Variants in GPR158 observed in about 807,000 individuals in gnomAD.
The protein encoded by GPR158 is metabotropic glycine receptor.
Under a neutral mutation model 78.2 loss-of-function variants are expected in GPR158, and 30 were observed. The observed-to-expected ratio is 0.38, with a 90% CI of 0.29 to 0.52. GPR158 has a LOEUF of 0.52. Among genes scored for constraint, GPR158 ranks in the 20% least tolerant of loss-of-function variants. GPR158 has a pLI of 0.83. For synonymous variants in GPR158, 581 were observed against 591.1 expected (o/e 0.98, Z 0.25); for missense variants, 1,463 against 1,523.5 (o/e 0.96, Z 0.66).
intron 5 of GPR158, among the ~76,000 whole-genome samples, chr10:25,490,490 T>C (rs1037343815): frequency 3.4e-5 from 4 of 118,948 alleles, no homozygotes; most frequent in African/African-American, 1.3e-4. Flanking sequence ...CCCCTTCCTG[T>C]GTCCATGTGA....
chr10:25,598,612 C>T lies in GPR158; in HGVS notation c.2986C>T (p.Gln996Ter). 6.2e-7 allele frequency: 1 copy of T among 1,614,090 alleles called. No individual in the cohort carries two copies. Among genetic ancestry groups the T allele is most frequent in the East Asian group, 2.2e-5 (1 of 44,866 alleles). Residue 996 changes from glutamine to a stop codon, truncating the protein, a stop_gained, in exon 11 of 11, where the codon CAG (glutamine) becomes TAG (stop). Transcript: ENST00000376351. LOFTEE classifies it low-confidence loss of function (END_TRUNC). Reference protein sequence around the residue: ...ANSDLNPGTTQMKDNFDIGEV... With the variant: ...ANSDLNPGTT ...TTCTGACCTGAACCCAGGCACCACC[C>T]AGATGAAGGACAACTTTGACATTGG...
At chr10:25,486,812 C>CTTTTTTT (rs138444360) in intron 5 of GPR158, among the ~76,000 whole-genome samples, 1 of 150,472 alleles carries the variant, frequency 6.6e-6, no homozygotes. Context: ...TATGATAGAC[C>CTTTTTTT]ATTTTTTTTT....
At chr10:25,437,874 G>A (rs778777465) in intron 4 of GPR158, among the ~76,000 whole-genome samples, 15 of 152,202 alleles carry the variant, frequency 9.9e-5, no homozygotes, top group Non-Finnish European at 1.8e-4. Context: ...CCCGAGGATT[G>A]AAGGACATTT....
At chr10:25,414,571 A>G (rs1046011310) in intron 4 of GPR158, among the ~76,000 whole-genome samples, 1 of 152,168 alleles carries the variant, frequency 6.6e-6, no homozygotes, top group Admixed American at 6.5e-5. Flanking sequence ...TTCTGCTGTG[A>G]TTTCAATTGC....
intron 9 of GPR158, among the ~76,000 whole-genome samples, chr10:25,595,779 G>T (rs1038961754): frequency 1.3e-5 from 2 of 152,166 alleles, no homozygotes; most frequent in Non-Finnish European, 2.9e-5. Context: ...TTTTTGAGAT[G>T]AATATTCCAA....
chr10:25,316,767 T>TA (rs1338770622), intron 2 of GPR158, among the ~76,000 whole-genome samples: 7 of 152,090 alleles, frequency 4.6e-5, no homozygotes, highest in African/African-American at 9.7e-5. Flanking sequence ...TCACATACCA[T>TA]GCTTGTGAGT....
Position 25,248,889 on chromosome 10 carries a change from T to G in GPR158, c.1008+27732T>G, listed in dbSNP as rs1341832990. Among the ~76,000 whole-genome samples the G allele has an allele frequency of 4.0e-5, 6 of 151,034 alleles. 1 individual carries two copies. The highest frequency in any genetic ancestry group is 1.2e-4 in the African/African-American group (5 of 40,446). On this transcript the variant is annotated intron_variant, in intron 2 of 10. Coordinates refer to ENST00000376351, the MANE Select transcript of GPR158 (RefSeq NM_020752.3). ...AGCATGATGGGGATGGCATTGAATC[T>G]GTAAATTACCTTGGGCAGTATGGCC...
chr10:25,562,214 G>T (rs965021944), intron 6 of GPR158, among the ~76,000 whole-genome samples: 1 of 151,768 alleles, frequency 6.6e-6, no homozygotes, highest in African/African-American at 2.4e-5. Flanking sequence ...CTAACTAAAG[G>T]TTTGTTAATT....
chr10:25,291,992 C>CA (rs984559720), intron 2 of GPR158, among the ~76,000 whole-genome samples: 21 of 152,110 alleles, frequency 1.4e-4, no homozygotes, highest in Non-Finnish European at 2.7e-4. Flanking sequence ...GGAGTTTACT[C>CA]AAAAAATGTA....
intron 2 of GPR158, among the ~76,000 whole-genome samples, chr10:25,302,353 G>T (rs1854611829): frequency 6.6e-6 from 1 of 151,806 alleles, no homozygotes; most frequent in African/African-American, 2.4e-5. Flanking sequence ...CAAAGCGCTG[G>T]GATTACAGGC....
intron 5 of GPR158, among the ~76,000 whole-genome samples, chr10:25,508,539 C>A (rs375500895): frequency 6.6e-6 from 1 of 152,152 alleles, no homozygotes; most frequent in Non-Finnish European, 1.5e-5. Flanking sequence ...ATTTTGTGCA[C>A]AGTCTCTGTA....
At chr10:25,294,610 G>A (rs1276179593) in intron 2 of GPR158, among the ~76,000 whole-genome samples, 2 of 130,854 alleles carry the variant, frequency 1.5e-5, no homozygotes, top group Non-Finnish European at 3.5e-5. Flanking sequence ...AGTATGGATA[G>A]CAAGAGGAAT....
Position 25,487,755 on chromosome 10 carries a change from C to T in GPR158, c.1404+21036C>T, listed in dbSNP as rs549199096. 4.6e-5 allele frequency among the ~76,000 whole-genome samples: 7 copies of T among 152,146 alleles called. No individual in the cohort carries two copies. The South Asian group carries it at 6.2e-4, about 14-fold the overall frequency. ...TTCAGTATATTGTTTGATTTTGCTT[C>T]CCCAGAAATTGAAAGTTTTGACAAG... is the stretch of plus-strand genomic sequence containing the variant. On this transcript the variant is annotated intron_variant, in intron 5 of 10. Transcript: ENST00000376351.
intron 2 of GPR158, among the ~76,000 whole-genome samples, chr10:25,297,518 T>G (rs2130771139): frequency 6.6e-6 from 1 of 152,186 alleles, no homozygotes; most frequent in African/African-American, 2.4e-5. Context: ...TAAACGTTTT[T>G]TTTACATTGT....
rs891735303 is a variant in GPR158, at chr10:25,203,597, T to G, written c.903-17455T>G. On this transcript the variant is annotated intron_variant, in intron 1 of 10. Coordinates refer to ENST00000376351, the MANE Select transcript of GPR158 (RefSeq NM_020752.3). The stretch of plus-strand genomic sequence containing the variant: ...GGTATTATTTCTGAGGGCTCTGTTC[T>G]GTTCCATTGGTGTATATCTGTGTTT... Among the ~76,000 whole-genome samples the G allele has an allele frequency of 7.4e-5, 9 of 120,808 alleles. 2 individuals are homozygous for G. The highest frequency in any genetic ancestry group is 1.0e-4 in the Non-Finnish European group (6 of 57,778). 79.3% of individuals were successfully genotyped at this position (120,808 alleles called of 152,430 possible). A position where few individuals can be genotyped will look rare whatever the true frequency, so the allele number is the denominator to read the frequency against.
At chr10:25,406,857 A>C (rs1834522607) in intron 3 of GPR158, among the ~76,000 whole-genome samples, 1 of 152,156 alleles carries the variant, frequency 6.6e-6, no homozygotes, top group Non-Finnish European at 1.5e-5. Flanking sequence ...ATCTATCATA[A>C]AGATCATTAA....
intron 2 of GPR158, among the ~76,000 whole-genome samples, chr10:25,356,863 T>C (rs969003767): frequency 4.6e-5 from 7 of 151,990 alleles, no homozygotes; most frequent in African/African-American, 1.7e-4. Flanking sequence ...GACTTTGGAA[T>C]TGGGTAACAG....
intron 2 of GPR158, among the ~76,000 whole-genome samples, chr10:25,341,333 T>C (rs1310739362): frequency 6.6e-6 from 1 of 151,998 alleles, no homozygotes; most frequent in African/African-American, 2.4e-5. Flanking sequence ...CTTTAAAATA[T>C]GCTAGAACAT....
chr10:25,464,475 A>G (rs985773626), intron 4 of GPR158, among the ~76,000 whole-genome samples: 1 of 152,188 alleles, frequency 6.6e-6, no homozygotes, highest in Non-Finnish European at 1.5e-5. Context: ...CTCTACCTTG[A>G]AGAATACGTA....
Sources: gnomAD v4.1 joint callset for allele counts (sites outside exome capture counted in the v4.1 genomes callset) on GRCh38, gnomAD v4.1.1 for gene constraint, MANE v1.5 for transcripts, NCBI Gene and HGNC (gene_info 2026-07-23, HGNC 2026-07-21) for gene names.